AHI1: variants seen among roughly 807,000 people sequenced by gnomAD.
The protein encoded by AHI1 is jouberin.
Under a neutral mutation model 149.3 loss-of-function variants are expected in AHI1, and 123 were observed. The ratio of observed to expected loss-of-function variants is 0.82; its 90% CI spans 0.71 to 0.96. The LOEUF is 0.96. Ranked by LOEUF, AHI1 falls within the 40% of genes least tolerant of loss-of-function variation. AHI1 has a pLI of 0.00. For missense variants in AHI1, 1,439 were observed against 1,422.7 expected (o/e 1.01, Z -0.18); for synonymous variants, 475 against 459.8 (o/e 1.03, Z -0.42).
chr6:135,316,002 C>A (rs1489845581), intron 26 of AHI1, among the ~76,000 whole-genome samples: 2 of 152,120 alleles, frequency 1.3e-5, no homozygotes, highest in African/African-American at 4.8e-5. Context: ...GGATACTGAG[C>A]AACATCCATG....
chr6:135,416,150 A>T (rs1390259851), intron 20 of AHI1, among the ~76,000 whole-genome samples: 1 of 152,118 alleles, frequency 6.6e-6, no homozygotes, highest in Non-Finnish European at 1.5e-5. Context: ...TACCTCAATA[A>T]AGCCATTCAC....
chr6:135,487,202 A>AT (rs895043742), intron 5 of AHI1, among the ~76,000 whole-genome samples: 2 of 152,052 alleles, frequency 1.3e-5, no homozygotes, highest in Non-Finnish European at 2.9e-5. Flanking sequence ...AACTCACTTA[A>AT]TTTTTTTAAC....
At chr6:135,332,430 C>A (rs939156736) in intron 24 of AHI1, among the ~76,000 whole-genome samples, 1 of 152,204 alleles carries the variant, frequency 6.6e-6, no homozygotes, top group Non-Finnish European at 1.5e-5. Flanking sequence ...ATTAACCCCA[C>A]TATCAAGGTG....
chr6:135,370,755 T>A (rs1214545418), intron 23 of AHI1, among the ~76,000 whole-genome samples: 1 of 152,232 alleles, frequency 6.6e-6, no homozygotes, highest in African/African-American at 2.4e-5. Flanking sequence ...ATGTACATAT[T>A]AATTAGAAGC....
At position 135,404,949 on chromosome 6, in the gene AHI1, AC is replaced by A. The variant is rs754239780; in HGVS notation, c.2988+1del. On this transcript the variant is annotated splice_donor_variant, in intron 22 of 28. Transcript: ENST00000265602. LOFTEE classifies it high-confidence loss of function. ...ATCTTCCTGGTAATAAAAACTACTT[AC>A]TTTTGCAGCACAGGAACGTATCACC... The A allele has an allele frequency of 1.9e-6, 3 of 1,608,040 alleles. No homozygotes were observed. The highest frequency in any genetic ancestry group is 2.2e-5 in the East Asian group (1 of 44,734).
chr6:135,468,422 G>C lies in AHI1; in HGVS notation c.136-788C>G, dbSNP rs902846330. The stretch of plus-strand genomic sequence containing the variant: ...AAAAAACCCTTCAAAAAATCAATGA[G>C]GCTGGGCATGGTGGCTCATGCCTGT... On this transcript the variant is annotated intron_variant, in intron 5 of 28. Coordinates refer to ENST00000265602, the MANE Select transcript of AHI1 (RefSeq NM_001134831.2). Among the ~76,000 whole-genome samples, 32 of 152,224 alleles carry C rather than the reference G, an allele frequency of 2.1e-4. No homozygotes were observed. In the East Asian group the frequency reaches 4.6e-3, roughly 22 times the overall value.
chr6:135,370,399 C>G (rs918143067), intron 23 of AHI1, among the ~76,000 whole-genome samples: 1 of 152,204 alleles, frequency 6.6e-6, no homozygotes, highest in Admixed American at 6.5e-5. Flanking sequence ...TTCAAAAGTC[C>G]TCTTGGGGAG....
chr6:135,426,154 T>C (rs187067360), intron 20 of AHI1, among the ~76,000 whole-genome samples: 100 of 151,908 alleles, frequency 6.6e-4, no homozygotes, highest in Middle Eastern at 3.4e-3. Flanking sequence ...CATCTATTTT[T>C]TCCTATAATC....
At position 135,313,152 on chromosome 6, in the gene AHI1, G is replaced by T. The variant is rs117978305; in HGVS notation, c.3426+5367C>A. The stretch of plus-strand genomic sequence containing the variant: ...TGCACTCAAATCATTTTAATTACTC[G>T]AGGCAACATTATATTTCTTAGGGGC... On this transcript the variant is annotated intron_variant, in intron 26 of 28. Transcript: ENST00000265602. Among the ~76,000 whole-genome samples the T allele has an allele frequency of 2.9e-3, 448 of 152,152 alleles. 1 individual carries two copies. Among genetic ancestry groups the T allele is most frequent in the South Asian group, 7.5e-3 (36 of 4,810 alleles).
intron 25 of AHI1, among the ~76,000 whole-genome samples, chr6:135,319,474 C>CA (rs1240775410): frequency 2.0e-5 from 3 of 150,528 alleles, no homozygotes; most frequent in Non-Finnish European, 4.4e-5. Flanking sequence ...GACTCTGTCT[C>CA]AAAAAAAAGG....
chr6:135,403,201 T>C (rs912925845), intron 22 of AHI1, among the ~76,000 whole-genome samples: 1 of 152,138 alleles, frequency 6.6e-6, no homozygotes, highest in African/African-American at 2.4e-5. Context: ...TGGGGCTTCA[T>C]TCAGGGGTGA....
intron 24 of AHI1, among the ~76,000 whole-genome samples, chr6:135,326,674 C>T (rs1787746600): frequency 6.6e-6 from 1 of 152,112 alleles, no homozygotes; most frequent in South Asian, 2.1e-4. Flanking sequence ...TATTCTCCTG[C>T]CTTGGCCTCC....
chr6:135,492,282 A>C lies in AHI1; in HGVS notation c.-45T>G. Reference sequence around the variant, plus strand: ...GACTGAGAATGCAAAGCATTGACTCAATCAGGATCCTATCGAAACAAAGGA... The same window carrying C: ...GACTGAGAATGCAAAGCATTGACTCCATCAGGATCCTATCGAAACAAAGGA... On this transcript the variant is annotated 5_prime_UTR_variant, in exon 4 of 29. It adds an upstream start codon to the 5' untranslated region. Coordinates refer to ENST00000265602, the MANE Select transcript of AHI1 (RefSeq NM_001134831.2). 6.5e-7 allele frequency: 1 copy of C among 1,527,210 alleles called. No homozygotes were observed. Among genetic ancestry groups the C allele is most frequent in the Non-Finnish European group, 8.8e-7 (1 of 1,134,154 alleles). 94.6% of individuals were successfully genotyped at this position (1,527,210 alleles called of 1,614,324 possible). A position where few individuals can be genotyped will look rare whatever the true frequency, so the allele number is the denominator to read the frequency against.
At chr6:135,335,934 G>A (rs1582656339) in intron 24 of AHI1, among the ~76,000 whole-genome samples, 1 of 151,966 alleles carries the variant, frequency 6.6e-6, no homozygotes, top group East Asian at 1.9e-4. Context: ...CCAACATGGT[G>A]AAACCCCATC....
intron 26 of AHI1, chr6:135,304,947 A>G (rs1159100838): frequency 6.6e-6 from 1 of 152,186 alleles, no homozygotes; most frequent in Non-Finnish European, 1.5e-5. Flanking sequence ...CTAGATAAAA[A>G]CTTACGAGAT....
intron 27 of AHI1, among the ~76,000 whole-genome samples, chr6:135,294,734 A>C (rs1337381933): frequency 6.6e-6 from 1 of 151,200 alleles, no homozygotes; most frequent in African/African-American, 2.4e-5. Flanking sequence ...GAAAAAAAAG[A>C]AAATAAACTC....
At chr6:135,351,888 A>G (rs1267067047) in intron 24 of AHI1, among the ~76,000 whole-genome samples, 2 of 152,164 alleles carry the variant, frequency 1.3e-5, no homozygotes, top group Non-Finnish European at 1.5e-5. Flanking sequence ...GCCTTTGGAT[A>G]TCCATTGTGA....
chr6:135,414,845 G>A (rs986588021), intron 20 of AHI1, among the ~76,000 whole-genome samples: 1 of 149,888 alleles, frequency 6.7e-6, no homozygotes, highest in Non-Finnish European at 1.5e-5. Context: ...TTAAGTTTTA[G>A]GGTACATGTG....
intron 23 of AHI1, among the ~76,000 whole-genome samples, chr6:135,365,319 A>G (rs1222569004): frequency 6.6e-6 from 1 of 152,090 alleles, no homozygotes; most frequent in African/African-American, 2.4e-5. Flanking sequence ...TATTAATTTT[A>G]GGATTGTTTT....
Sources: gnomAD v4.1 joint callset for allele counts (sites outside exome capture counted in the v4.1 genomes callset) on GRCh38, gnomAD v4.1.1 for gene constraint, MANE v1.5 for transcripts, NCBI Gene and HGNC (gene_info 2026-07-23, HGNC 2026-07-21) for gene names.